Variants in OLAH observed in about 807,000 individuals in gnomAD.
OLAH encodes the protein S-acyl fatty acid synthase thioesterase, medium chain.
A neutral mutation model predicts 27.8 loss-of-function variants in OLAH; 33 were observed. That is an observed-to-expected ratio of 1.19 (90% CI 0.90 to 1.59). OLAH has a LOEUF of 1.59. OLAH is among the 40% of genes most tolerant of loss of function. The probability of loss-of-function intolerance (pLI) is 0.00; values close to 1 mark genes in which losing one functional copy is unlikely to be tolerated. For missense variants in OLAH, 359 were observed against 310.8 expected (o/e 1.16, Z -1.17); for synonymous variants, 120 against 102.9 (o/e 1.17, Z -1.01).
chr10:15,047,387 C>T (rs569877635), intron 2 of OLAH, 67 bp downstream of exon 2: 108 of 1,477,382 alleles, frequency 7.3e-5, no homozygotes, highest in Admixed American at 3.4e-4. Context: ...TGCCTTTGTA[C>T]GGCTCCCTTT....
chr10:15,035,734 C>T (rs1010787221), intron 1 of OLAH, among the ~76,000 whole-genome samples: 1 of 152,124 alleles, frequency 6.6e-6, no homozygotes, highest in African/African-American at 2.4e-5. Flanking sequence ...TGCATTGGGA[C>T]GCCATGGGGA....
At chr10:15,036,457 A>G (rs1843841886) in intron 1 of OLAH, among the ~76,000 whole-genome samples, 1 of 151,996 alleles carries the variant, frequency 6.6e-6, no homozygotes, top group African/African-American at 2.4e-5. Context: ...AGATTGCGCC[A>G]TTGCACTCCA....
chr10:15,047,722 C>T (rs1391029713), intron 2 of OLAH, among the ~76,000 whole-genome samples: 1 of 152,000 alleles, frequency 6.6e-6, no homozygotes, highest in Non-Finnish European at 1.5e-5. Context: ...AAAAATTAGT[C>T]TTTTTTGCCT....
At chr10:15,058,608 C>A (rs1844292309) in intron 3 of OLAH, among the ~76,000 whole-genome samples, 1 of 151,954 alleles carries the variant, frequency 6.6e-6, no homozygotes, top group Admixed American at 6.6e-5. Flanking sequence ...TTAGTAAGAA[C>A]TTCTGAGTTT....
chr10:15,034,389 T>TC lies in OLAH; in HGVS notation c.-164+2042dup, dbSNP rs367971141. Among the ~76,000 whole-genome samples the TC allele has an allele frequency of 7.9e-3, 1,205 of 152,200 alleles. 15 individuals carry two copies. Among genetic ancestry groups the TC allele is most frequent in the African/African-American group, 0.028 (1,148 of 41,522 alleles). ...CTCAGGTGATCTGCCCACCTCGGCC[T>TC]CCCAGAGTACTGGGATTACAGGAGT... is the stretch of plus-strand genomic sequence containing the variant. On this transcript the variant is annotated intron_variant, in intron 1 of 3. Transcript: ENST00000413672.
intron 1 of OLAH, among the ~76,000 whole-genome samples, chr10:15,034,165 G>A (rs976557145): frequency 6.0e-5 from 9 of 149,646 alleles, no homozygotes; most frequent in African/African-American, 2.0e-4. Flanking sequence ...CCAGGCTGGA[G>A]TGCAATGGCA....
chr10:15,065,624 C>T lies in OLAH; in HGVS notation c.443C>T (p.Ser148Leu), dbSNP rs771747283. Reference protein sequence around the residue: ...WHRIPKDDELSEEQISHYLME... With the variant: ...WHRIPKDDELLEEQISHYLME... ...CGCATTCCCAAAGATGATGAATTGT[C>T]AGAAGAACAAATAAGTCATTACCTT... Residue 148 changes from serine (S) to leucine (L), a missense_variant, in exon 6 of 8, where the codon TCA (serine) becomes TTA (leucine). By Grantham distance (145) the Ser-to-Leu change is moderately radical (BLOSUM62 -2). Coordinates refer to ENST00000378228, the MANE Select transcript of OLAH (RefSeq NM_001039702.3). The T allele has an allele frequency of 1.2e-6, 2 of 1,612,034 alleles. No individual in the cohort carries two copies. The highest frequency in any genetic ancestry group is 2.7e-5 in the African/African-American group (2 of 74,788).
intron 1 of OLAH, among the ~76,000 whole-genome samples, chr10:15,044,641 A>G (rs909011824): frequency 6.6e-6 from 1 of 152,046 alleles, no homozygotes; most frequent in African/African-American, 2.4e-5. Flanking sequence ...CCTGGTGACA[A>G]ACTTAGTTTT....
chr10:15,048,848 T>C (rs918775290), intron 2 of OLAH, among the ~76,000 whole-genome samples: 2 of 152,240 alleles, frequency 1.3e-5, no homozygotes, highest in Middle Eastern at 3.4e-3. Flanking sequence ...ATTTTTGTAA[T>C]CCCAGCACTT....
At chr10:15,055,808 A>G (rs1192353913) in intron 3 of OLAH, among the ~76,000 whole-genome samples, 1 of 152,084 alleles carries the variant, frequency 6.6e-6, no homozygotes, top group Admixed American at 6.6e-5. Context: ...ACACTGACTT[A>G]AGCAAGATAT....
intron 6 of OLAH, among the ~76,000 whole-genome samples, chr10:15,070,309 T>C (rs2131380468): frequency 6.6e-6 from 1 of 152,248 alleles, no homozygotes; most frequent in South Asian, 2.1e-4. Context: ...CCACACTCTA[T>C]CCAGAGGATA....
intron 3 of OLAH, among the ~76,000 whole-genome samples, chr10:15,051,628 T>C (rs1442443888): frequency 6.6e-6 from 1 of 152,228 alleles, no homozygotes; most frequent in African/African-American, 2.4e-5. Flanking sequence ...GAACTTACTG[T>C]ATTTTTTTCT....
In OLAH at chr10:15,047,212, G is replaced by A. The variant is rs967688171; in HGVS notation, c.-77G>A. The A allele has an allele frequency of 2.1e-5, 31 of 1,479,922 alleles. No individual in the cohort carries two copies. The highest frequency in any genetic ancestry group is 1.8e-4 in the Middle Eastern group (1 of 5,598). 91.7% of individuals were successfully genotyped at this position (1,479,922 alleles called of 1,614,324 possible). On this transcript the variant is annotated 5_prime_UTR_variant, in exon 2 of 8. Transcript: ENST00000378228. Reference sequence around the variant, plus strand: ...GCATAAGGCCGAGCAGAGGTTCTTCGTCTCAAGAGGAACTGACTTCTGTTG... The same window carrying A: ...GCATAAGGCCGAGCAGAGGTTCTTCATCTCAAGAGGAACTGACTTCTGTTG...
At position 15,061,787 on chromosome 10, in the gene OLAH, C is replaced by T. The variant is rs1433075110; in HGVS notation, c.227C>T (p.Ser76Phe). 1 of 1,613,756 alleles carries T rather than the reference C, an allele frequency of 6.2e-7. No individual in the cohort carries two copies. Among genetic ancestry groups the T allele is most frequent in the Non-Finnish European group, 8.5e-7 (1 of 1,179,900 alleles). ...RVEEPLENDI[S>F]QLVDEVVCAL... Reference sequence around the variant, plus strand: ...GAAGAACCTCTTGAAAATGACATCTCCCAGTTAGTTGATGAAGTTGTTTGT... The same window carrying T: ...GAAGAACCTCTTGAAAATGACATCTTCCAGTTAGTTGATGAAGTTGTTTGT... Residue 76 changes from serine to phenylalanine, a missense_variant, in exon 4 of 8, where the codon TCC (serine) becomes TTC (phenylalanine). Transcript: ENST00000378228.
At chr10:15,057,093 CTT>C (rs1238679410) in intron 3 of OLAH, 3 of 1,220,242 alleles carry the variant, frequency 2.5e-6, no homozygotes, top group East Asian at 6.3e-5. Context: ...GCTTATTACT[CTT>C]CTTTTAAACT....
At chr10:15,042,891 C>T (rs71485543), upstream of OLAH, among the ~76,000 whole-genome samples, 2,022 of 113,886 alleles carry the variant, frequency 0.018, 20 homozygotes, top group Middle Eastern at 0.052. Context: ...GGAGGAGTCT[C>T]GCTCTGTCGC....
chr10:15,064,779 T>A (rs2131372655), intron 5 of OLAH, among the ~76,000 whole-genome samples: 1 of 152,314 alleles, frequency 6.6e-6, no homozygotes, highest in Admixed American at 6.5e-5. Flanking sequence ...TGTCTCAGCC[T>A]CCTGAGTAGC....
At chr10:15,053,664 C>T (rs1246305837) in intron 3 of OLAH, among the ~76,000 whole-genome samples, 1 of 152,062 alleles carries the variant, frequency 6.6e-6, no homozygotes, top group East Asian at 1.9e-4. Context: ...TCCACTTAGC[C>T]CTCTTCCAAG....
Position 15,049,705 on chromosome 10 carries a change from A to G in OLAH, c.103A>G (p.Met35Val), listed in dbSNP as rs957706178. The change falls in exon 3 of 8, where the codon ATG becomes GTG. Residue 35 changes from methionine to valine, a missense_variant. Coordinates refer to ENST00000378228, the MANE Select transcript of OLAH (RefSeq NM_001039702.3). ...ATFKLICFPW[M>V]GGGSTHFAKW... is the part of the protein sequence containing the mutation. ...TTTTAAGCTGATTTGCTTTCCCTGGATGGGAGGTGGCTCCACTCATTTTGC... is the reference window on the plus strand; with the variant it reads ...TTTTAAGCTGATTTGCTTTCCCTGGGTGGGAGGTGGCTCCACTCATTTTGC... 1.9e-6 allele frequency: 3 copies of G among 1,610,728 alleles called. No individual in the cohort carries two copies. The highest frequency in any genetic ancestry group is 1.3e-5 in the African/African-American group (1 of 74,796).
Sources: gnomAD v4.1 joint callset for allele counts (sites outside exome capture counted in the v4.1 genomes callset) on GRCh38, gnomAD v4.1.1 for gene constraint, MANE v1.5 for transcripts, NCBI Gene and HGNC (gene_info 2026-07-23, HGNC 2026-07-21) for gene names.